MAGI2: variants seen among roughly 807,000 people sequenced by gnomAD.
MAGI2 encodes membrane associated guanylate kinase, WW and PDZ domain containing 2, also known as membrane-associated guanylate kinase, WW and PDZ domain-containing protein 2.
Under a neutral mutation model 133.3 loss-of-function variants are expected in MAGI2, and 35 were observed. The observed-to-expected ratio is 0.26, with a 90% CI of 0.20 to 0.35. The LOEUF (loss-of-function observed/expected upper bound fraction) is 0.35. Among genes scored for constraint, MAGI2 ranks in the 10% least tolerant of loss-of-function variants. The pLI, the probability that MAGI2 is intolerant of heterozygous loss-of-function variation, is 1.00. For synonymous variants in MAGI2, 729 were observed against 710.6 expected, an observed-to-expected ratio of 1.03 and a Z score of -0.41; for missense variants, 1,636 against 1,863.4, an observed-to-expected ratio of 0.88 and a Z score of 2.25.
intron 21 of MAGI2, among the ~76,000 whole-genome samples, chr7:78,034,776 C>G (rs1809997228): frequency 6.6e-6 from 1 of 152,178 alleles, no homozygotes; most frequent in African/African-American, 2.4e-5. Context: ...GATCCACCTG[C>G]CTTGGCGTCC....
chr7:79,012,744 G>A (rs1808290150), intron 1 of MAGI2, among the ~76,000 whole-genome samples: 1 of 151,930 alleles, frequency 6.6e-6, no homozygotes, highest in South Asian at 2.1e-4. Flanking sequence ...TCTATAAAAG[G>A]AAGGTGGCTT....
intron 2 of MAGI2, among the ~76,000 whole-genome samples, chr7:78,646,139 C>T (rs560303764): frequency 1.3e-5 from 2 of 152,024 alleles, no homozygotes; most frequent in Non-Finnish European, 2.9e-5. Context: ...AAGGAGGGAA[C>T]TTGAAGAAGG....
chr7:79,348,848 G>A (rs1481706182), intron 1 of MAGI2, among the ~76,000 whole-genome samples: 2 of 151,806 alleles, frequency 1.3e-5, no homozygotes, highest in South Asian at 2.1e-4. Context: ...TAAAATATAT[G>A]TGCATTAATC....
chr7:78,041,884 G>A (rs557948425), intron 21 of MAGI2, among the ~76,000 whole-genome samples: 3 of 152,266 alleles, frequency 2.0e-5, no homozygotes, highest in Admixed American at 6.5e-5. Flanking sequence ...TGAGGCTGCT[G>A]TCTGGGAGAG....
At chr7:79,431,030 T>G (rs1847741694) in intron 1 of MAGI2, among the ~76,000 whole-genome samples, 1 of 152,190 alleles carries the variant, frequency 6.6e-6, no homozygotes, top group Admixed American at 6.5e-5. Context: ...TATATTTGCT[T>G]TTGCCAAACT....
chr7:79,144,277 T>A (rs1262689792), intron 1 of MAGI2, among the ~76,000 whole-genome samples: 1 of 152,150 alleles, frequency 6.6e-6, no homozygotes, highest in Non-Finnish European at 1.5e-5. Context: ...TGGATTTGTG[T>A]CTCCAAATCT....
intron 1 of MAGI2, among the ~76,000 whole-genome samples, chr7:79,019,734 G>A (rs919910734): frequency 4.6e-5 from 7 of 152,008 alleles, no homozygotes; most frequent in African/African-American, 1.7e-4. Context: ...GAGTAGAAAT[G>A]GGGTTTCAGC....
chr7:79,312,363 C>T (rs899379272), intron 1 of MAGI2, among the ~76,000 whole-genome samples: 3 of 152,116 alleles, frequency 2.0e-5, no homozygotes, highest in Middle Eastern at 3.2e-3. Flanking sequence ...CCATGCTATT[C>T]CAGAACTCCC....
chr7:78,383,398 T>C (rs1383094172), intron 6 of MAGI2, among the ~76,000 whole-genome samples: 1 of 152,088 alleles, frequency 6.6e-6, no homozygotes, highest in Non-Finnish European at 1.5e-5. Context: ...TCTGTTAGTG[T>C]TTGTATGTCT....
At chr7:78,687,185 A>C (rs1206098638) in intron 2 of MAGI2, among the ~76,000 whole-genome samples, 1 of 152,194 alleles carries the variant, frequency 6.6e-6, no homozygotes, top group Non-Finnish European at 1.5e-5. Flanking sequence ...ACTCCTAAGC[A>C]GAGATGACTC....
intron 3 of MAGI2, among the ~76,000 whole-genome samples, chr7:78,544,758 C>T (rs542748718): frequency 1.1e-3 from 174 of 151,864 alleles, no homozygotes; most frequent in African/African-American, 3.6e-3. Context: ...GTCTTGAACC[C>T]GGGAGGTGGA....
intron 2 of MAGI2, among the ~76,000 whole-genome samples, chr7:78,888,492 A>G (rs918747254): frequency 1.3e-5 from 2 of 152,158 alleles, no homozygotes; most frequent in Non-Finnish European, 2.9e-5. Flanking sequence ...TAGGGGCAGA[A>G]TGACACCTCA....
chr7:78,226,320 T>TAAAAAAAAAAAA (rs5885045), intron 10 of MAGI2, among the ~76,000 whole-genome samples: 1 of 141,846 alleles, frequency 7.0e-6, no homozygotes, highest in Non-Finnish European at 1.5e-5. Flanking sequence ...TACAAATGTT[T>TAAAAAAAAAAAA]AAAAAAAAAA....
At chr7:78,066,603 C>A (rs889187067) in intron 21 of MAGI2, among the ~76,000 whole-genome samples, 3 of 152,140 alleles carry the variant, frequency 2.0e-5, no homozygotes, top group Admixed American at 1.3e-4. Context: ...CTGAAACCAA[C>A]CTCTTCGTGG....
At chr7:78,569,367 A>C (rs1801273711) in intron 3 of MAGI2, among the ~76,000 whole-genome samples, 1 of 152,216 alleles carries the variant, frequency 6.6e-6, no homozygotes, top group African/African-American at 2.4e-5. Flanking sequence ...AATGGATCAC[A>C]TGTTCCCATA....
chr7:79,263,413 T>A (rs1834217482), intron 1 of MAGI2, among the ~76,000 whole-genome samples: 1 of 152,038 alleles, frequency 6.6e-6, no homozygotes, highest in South Asian at 2.1e-4. Flanking sequence ...ATTCACATCC[T>A]GGTTTCCCAG....
intron 1 of MAGI2, among the ~76,000 whole-genome samples, chr7:79,253,959 G>A (rs1833505179): frequency 6.7e-6 from 1 of 149,202 alleles, no homozygotes; most frequent in Non-Finnish European, 1.5e-5. Context: ...TCCAGATTTT[G>A]AGAGCTATGC....
intron 3 of MAGI2, among the ~76,000 whole-genome samples, chr7:78,531,703 C>T (rs905414277): frequency 6.6e-6 from 1 of 152,158 alleles, no homozygotes; most frequent in African/African-American, 2.4e-5. Flanking sequence ...GAAAACTGAG[C>T]CTTTCAAGGA....
intron 2 of MAGI2, among the ~76,000 whole-genome samples, chr7:78,679,959 T>C (rs1459041064): frequency 6.6e-6 from 1 of 152,110 alleles, no homozygotes; most frequent in Non-Finnish European, 1.5e-5. Context: ...GTCCAACTGG[T>C]GATGAGACAT....
Sources: allele counts gnomAD v4.1 joint callset (sites outside exome capture counted in the v4.1 genomes callset), GRCh38; gene constraint gnomAD v4.1.1; transcripts MANE v1.5; gene names NCBI Gene and HGNC (gene_info 2026-07-23, HGNC 2026-07-21).